PPTC7: variants seen among roughly 807,000 people sequenced by gnomAD.
PPTC7 encodes protein phosphatase targeting COQ7, also known as protein phosphatase PTC7 homolog.
Under a neutral mutation model 30.8 loss-of-function variants are expected in PPTC7, and 6 were observed. The observed-to-expected ratio is 0.19, with a 90% CI of 0.11 to 0.38. PPTC7 has a LOEUF of 0.38. Ranked by LOEUF, PPTC7 falls within the 10% of genes least tolerant of loss-of-function variation. The pLI, the probability that PPTC7 is intolerant of heterozygous loss-of-function variation, is 1.00. For missense variants in PPTC7, 218 were observed against 404.8 expected (o/e 0.54, Z 3.96); for synonymous variants, 163 against 168.1 (o/e 0.97, Z 0.23).
chr12:110,577,166 CAAAAAA>C (rs34958891), intron 1 of PPTC7, among the ~76,000 whole-genome samples: 6 of 81,196 alleles, frequency 7.4e-5, no homozygotes, highest in Admixed American at 1.5e-4. Context: ...GACTCTGTCT[CAAAAAA>C]AAAAAAAAAA....
chr12:110,552,265 C>T (rs2064354472), intron 1 of PPTC7, among the ~76,000 whole-genome samples: 1 of 152,166 alleles, frequency 6.6e-6, no homozygotes, highest in Non-Finnish European at 1.5e-5. Context: ...TGTGTATAGA[C>T]ATATTTGTGT....
intron 1 of PPTC7, among the ~76,000 whole-genome samples, chr12:110,569,762 G>A (rs1486707801): frequency 6.6e-6 from 1 of 152,108 alleles, no homozygotes. Context: ...TTCATTTCTG[G>A]CTTCCCAATT....
At chr12:110,561,222 G>C (rs981813087) in intron 1 of PPTC7, among the ~76,000 whole-genome samples, 6 of 152,058 alleles carry the variant, frequency 3.9e-5, no homozygotes, top group African/African-American at 1.5e-4. Flanking sequence ...ACAGCATGAA[G>C]CACTGTAACT....
At chr12:110,573,196 A>G (rs2064554643) in intron 1 of PPTC7, among the ~76,000 whole-genome samples, 1 of 152,200 alleles carries the variant, frequency 6.6e-6, no homozygotes, top group Non-Finnish European at 1.5e-5. Context: ...TCATCTTTAT[A>G]TCAAAGGCCT....
At chr12:110,553,436 G>A (rs2064364051) in intron 1 of PPTC7, among the ~76,000 whole-genome samples, 3 of 151,756 alleles carry the variant, frequency 2.0e-5, no homozygotes, top group African/African-American at 4.8e-5. Flanking sequence ...GAGCCACTGC[G>A]CCCGGCCCCC....
At chr12:110,570,230 C>T (rs963936352) in intron 1 of PPTC7, among the ~76,000 whole-genome samples, 11 of 144,130 alleles carry the variant, frequency 7.6e-5, no homozygotes, top group South Asian at 2.3e-4. Context: ...GGATTAAGGG[C>T]GGTGCAGGAT....
intron 1 of PPTC7, among the ~76,000 whole-genome samples, chr12:110,560,023 C>T (rs1485908619): frequency 6.6e-6 from 1 of 152,176 alleles, no homozygotes; most frequent in African/African-American, 2.4e-5. Context: ...CCACTGAGCC[C>T]AGCCAAGAAG....
rs887690239 is a variant in PPTC7, at chr12:110,533,355, CTT to C, written c.*3680_*3681del. On this transcript the variant is annotated 3_prime_UTR_variant, in exon 6 of 6. Coordinates refer to ENST00000354300, the MANE Select transcript of PPTC7 (RefSeq NM_139283.2). ...GACATCCAAATTCAGGTAATTGCCT[CTT>C]GGGTAATAAGACAAATAATGATAGT... is the stretch of plus-strand genomic sequence containing the variant. 2.0e-5 allele frequency: 3 copies of C among 152,100 alleles called. No individual in the cohort carries two copies. The highest frequency in any genetic ancestry group is 7.3e-5 in the African/African-American group (3 of 41,378). 9.4% of individuals were successfully genotyped at this position (152,100 alleles called of 1,614,324 possible). A position where few individuals can be genotyped will look rare whatever the true frequency, so the allele number is the denominator to read the frequency against.
chr12:110,575,059 G>T (rs2064577365), intron 1 of PPTC7, among the ~76,000 whole-genome samples: 1 of 151,138 alleles, frequency 6.6e-6, no homozygotes, highest in African/African-American at 2.4e-5. Context: ...CAAAGTTCTG[G>T]GATTATAGGT....
At chr12:110,574,519 G>A (rs910388171) in intron 1 of PPTC7, among the ~76,000 whole-genome samples, 4 of 152,014 alleles carry the variant, frequency 2.6e-5, no homozygotes, top group African/African-American at 9.7e-5. Flanking sequence ...CCCCAATCCT[G>A]TTGGGGATTT....
At chr12:110,580,433 G>A (rs1294998854) in intron 1 of PPTC7, among the ~76,000 whole-genome samples, 1 of 152,042 alleles carries the variant, frequency 6.6e-6, no homozygotes, top group Non-Finnish European at 1.5e-5. Context: ...CCATCTCCCA[G>A]GTTCAAGCAA....
rs749705904 is a variant in PPTC7, at chr12:110,582,792, C to A, written c.223+17G>T. The stretch of plus-strand genomic sequence containing the variant: ...CGGATCCGAGGCTGGGGCAAGGGAA[C>A]CGGGTCGGGGACTCACCGAGCACGT... On this transcript the variant is annotated intron_variant, in intron 1 of 5. Transcript: ENST00000354300. The A allele has an allele frequency of 3.9e-6, 6 of 1,540,424 alleles. No individual in the cohort carries two copies. The African/African-American group carries it at 5.5e-5, about 14-fold the overall frequency.
chr12:110,578,584 A>C (rs1309253926), intron 1 of PPTC7, among the ~76,000 whole-genome samples: 1 of 152,198 alleles, frequency 6.6e-6, no homozygotes, highest in East Asian at 1.9e-4. Context: ...TTAAAGAAAC[A>C]AAAGAGATTT....
intron 3 of PPTC7, among the ~76,000 whole-genome samples, chr12:110,543,704 T>A (rs970960180): frequency 2.6e-5 from 4 of 152,326 alleles, no homozygotes; most frequent in African/African-American, 7.2e-5. Flanking sequence ...CTCCCACCCA[T>A]GAGCTTGGTG....
chr12:110,551,983 A>T lies in PPTC7; in HGVS notation c.224-15T>A. 1 of 1,591,950 alleles carries T rather than the reference A, an allele frequency of 6.3e-7. No homozygotes were observed. Among genetic ancestry groups the T allele is most frequent in the Non-Finnish European group, 8.6e-7 (1 of 1,167,016 alleles). ...ATCTGCAACCCCTGAAGAAAAAACA[A>T]AAATTACAGTAAAAGAACAATCTTA... On this transcript the variant is annotated splice_polypyrimidine_tract_variant and intron_variant, in intron 1 of 5. Coordinates refer to ENST00000354300, the MANE Select transcript of PPTC7 (RefSeq NM_139283.2).
At chr12:110,543,359 G>C (rs2135763564) in intron 3 of PPTC7, among the ~76,000 whole-genome samples, 1 of 151,558 alleles carries the variant, frequency 6.6e-6, no homozygotes, top group African/African-American at 2.4e-5. Context: ...TCTACTAAAG[G>C]AAAACCTGTA....
At position 110,535,759 on chromosome 12, in the gene PPTC7, A is replaced by G. The variant is rs1159205669; in HGVS notation, c.*1278T>C. 6.6e-6 allele frequency: 1 copy of G among 152,646 alleles called. No individual in the cohort carries two copies. Among genetic ancestry groups the G allele is most frequent in the Non-Finnish European group, 1.5e-5 (1 of 68,042 alleles). 9.5% of individuals were successfully genotyped at this position (152,646 alleles called of 1,614,324 possible). A position where few individuals can be genotyped will look rare whatever the true frequency, so the allele number is the denominator to read the frequency against. On this transcript the variant is annotated 3_prime_UTR_variant, in exon 6 of 6. Coordinates refer to ENST00000354300, the MANE Select transcript of PPTC7 (RefSeq NM_139283.2). ...CTGACCCAAAAATATATATCTTTAC[A>G]GCAGTCAACTTGTACACAAAACTTA... is the stretch of plus-strand genomic sequence containing the variant.
chr12:110,537,471 T>A (rs1158055070), intron 5 of PPTC7, among the ~76,000 whole-genome samples: 1 of 152,226 alleles, frequency 6.6e-6, no homozygotes, highest in South Asian at 2.1e-4. Context: ...GGAATAGCCT[T>A]GTATTCTAAT....
chr12:110,545,058 C>T (rs997878804), intron 3 of PPTC7, among the ~76,000 whole-genome samples: 1 of 152,034 alleles, frequency 6.6e-6, no homozygotes, highest in South Asian at 2.1e-4. Context: ...TATGGTCCTA[C>T]ACCACTGTGC....
Sources: allele counts gnomAD v4.1 joint callset (sites outside exome capture counted in the v4.1 genomes callset), GRCh38; gene constraint gnomAD v4.1.1; transcripts MANE v1.5; gene names NCBI Gene and HGNC (gene_info 2026-07-23, HGNC 2026-07-21).